FOXP1: variants seen among roughly 807,000 people sequenced by gnomAD.
The protein encoded by FOXP1 is forkhead box P1.
FOXP1 carries 15 observed loss-of-function variants against 98.2 expected under a neutral mutation model. That is an observed-to-expected ratio of 0.15 (90% CI 0.10 to 0.24). The LOEUF (loss-of-function observed/expected upper bound fraction) is 0.24, where lower values mean the gene tolerates loss of function less well. Ranked by LOEUF, FOXP1 falls within the 10% of genes least tolerant of loss-of-function variation. The pLI is 1.00. For missense variants in FOXP1, 633 were observed against 848.5 expected (o/e 0.75, Z 3.15); for synonymous variants, 371 against 314.5 (o/e 1.18, Z -1.90).
intron 5 of FOXP1, among the ~76,000 whole-genome samples, chr3:71,276,561 CATCA>C (rs1262026923): frequency 6.6e-6 from 1 of 152,150 alleles, no homozygotes; most frequent in Non-Finnish European, 1.5e-5. Flanking sequence ...TTACTCTATC[CATCA>C]GTGACTGCTG....
chr3:71,365,937 C>A (rs1291767359), intron 3 of FOXP1, among the ~76,000 whole-genome samples: 2 of 152,160 alleles, frequency 1.3e-5, no homozygotes, highest in Non-Finnish European at 2.9e-5. Context: ...GAGCCCACTG[C>A]ACTCCAGCCT....
intron 17 of FOXP1, 78 bp downstream of exon 17, chr3:70,976,863 G>T: frequency 9.7e-7 from 1 of 1,033,204 alleles, no homozygotes; most frequent in Non-Finnish European, 1.5e-6. Context: ...CTTCCTTATA[G>T]CACAACTGCA....
At chr3:71,524,520 A>G (rs936360187) in intron 2 of FOXP1, among the ~76,000 whole-genome samples, 3 of 148,004 alleles carry the variant, frequency 2.0e-5, no homozygotes, top group Non-Finnish European at 1.5e-5. Context: ...TTAACTTGCT[A>G]GCAAATGCAA....
chr3:71,197,616 G>T (rs1478784513), intron 6 of FOXP1, among the ~76,000 whole-genome samples: 1 of 152,152 alleles, frequency 6.6e-6, no homozygotes, highest in Non-Finnish European at 1.5e-5. Context: ...ACCCAGTGCT[G>T]CATGAATACA....
chr3:70,974,931 A>C (rs1382978690), intron 17 of FOXP1, among the ~76,000 whole-genome samples: 1 of 152,208 alleles, frequency 6.6e-6, no homozygotes, highest in Admixed American at 6.5e-5. Context: ...CCAAAACTGC[A>C]CATCTAAGCA....
intron 7 of FOXP1, among the ~76,000 whole-genome samples, chr3:71,082,599 A>C (rs1333059625): frequency 6.7e-6 from 1 of 149,630 alleles, no homozygotes; most frequent in African/African-American, 2.5e-5. Flanking sequence ...CGTTCTGCAC[A>C]TGTAACCCAG....
chr3:71,068,239 A>G (rs1025772773), intron 7 of FOXP1, among the ~76,000 whole-genome samples: 6 of 152,340 alleles, frequency 3.9e-5, no homozygotes, highest in South Asian at 2.1e-4. Context: ...ACAGATTACT[A>G]TGATCCCACA....
chr3:71,520,422 T>G (rs2042893129), intron 2 of FOXP1, among the ~76,000 whole-genome samples: 1 of 152,202 alleles, frequency 6.6e-6, no homozygotes, highest in Non-Finnish European at 1.5e-5. Context: ...CTTGTGCAAC[T>G]CCACAGGAAT....
rs535351909 is a variant in FOXP1 at position 71,282,540 on chromosome 3, T to C, written c.-12+17280A>G. 2.6e-5 allele frequency among the ~76,000 whole-genome samples: 4 copies of C among 152,274 alleles called. No individual in the cohort carries two copies. In the South Asian group the frequency reaches 8.3e-4, roughly 32 times the overall value. On this transcript the variant is annotated intron_variant, in intron 5 of 20. Coordinates refer to ENST00000649528, the MANE Select transcript of FOXP1 (RefSeq NM_001349338.3). ...TGTATAAAACATTGCTCTAAGCACT[T>C]TTTACCTGAAAAGAATTTAGTTAAT... is the stretch of plus-strand genomic sequence containing the variant.
At chr3:71,088,232 C>G (rs568342233) in intron 7 of FOXP1, among the ~76,000 whole-genome samples, 1 of 152,200 alleles carries the variant, frequency 6.6e-6, no homozygotes, top group Non-Finnish European at 1.5e-5. Context: ...AAGACTCAGT[C>G]CCTCACTCAG....
At chr3:71,316,660 C>A (rs917276376) in intron 4 of FOXP1, among the ~76,000 whole-genome samples, 1 of 139,770 alleles carries the variant, frequency 7.2e-6, no homozygotes, top group Admixed American at 7.2e-5. Flanking sequence ...AGGGCATATT[C>A]TTTTTTTTTT....
intron 3 of FOXP1, among the ~76,000 whole-genome samples, chr3:71,475,821 G>A (rs2089782180): frequency 6.8e-6 from 1 of 148,048 alleles, no homozygotes; most frequent in Admixed American, 6.9e-5. Context: ...TAGCCTGGGA[G>A]AAAGAACAAG....
chr3:71,038,470 G>T (rs1401555328), intron 11 of FOXP1, among the ~76,000 whole-genome samples: 1 of 152,134 alleles, frequency 6.6e-6, no homozygotes, highest in African/African-American at 2.4e-5. Context: ...CTTATCCAAG[G>T]CAGTGACAAG....
chr3:71,472,194 G>T (rs761462057), intron 3 of FOXP1, among the ~76,000 whole-genome samples: 2 of 152,046 alleles, frequency 1.3e-5, no homozygotes, highest in African/African-American at 2.4e-5. Context: ...TTTTGTCAGG[G>T]TGTTTGTTTT....
At chr3:71,420,160 A>G (rs2083525223) in intron 3 of FOXP1, among the ~76,000 whole-genome samples, 2 of 152,162 alleles carry the variant, frequency 1.3e-5, no homozygotes, top group Non-Finnish European at 2.9e-5. Context: ...TTCCATTTAC[A>G]GCCAAATTCT....
chr3:71,286,877 G>A (rs2072201028), intron 5 of FOXP1, among the ~76,000 whole-genome samples: 1 of 152,140 alleles, frequency 6.6e-6, no homozygotes. Flanking sequence ...GGAGAAACTA[G>A]GTGATTATCT....
At chr3:71,082,330 T>C (rs1346946510) in intron 7 of FOXP1, among the ~76,000 whole-genome samples, 1 of 143,308 alleles carries the variant, frequency 7.0e-6, no homozygotes. Context: ...GTCTAGAACA[T>C]ACTAGTCTGT....
At chr3:71,220,717 C>T (rs527416031) in intron 5 of FOXP1, among the ~76,000 whole-genome samples, 79 of 151,294 alleles carry the variant, frequency 5.2e-4, no homozygotes, top group African/African-American at 1.8e-3. Context: ...CGCACCACTG[C>T]GATCCAACCT....
chr3:71,554,655 G>A (rs2107689473), intron 2 of FOXP1, among the ~76,000 whole-genome samples: 1 of 152,250 alleles, frequency 6.6e-6, no homozygotes, highest in South Asian at 2.1e-4. Flanking sequence ...TGTAAACAGT[G>A]CAATACATTA....
Sources: gnomAD v4.1 joint callset for allele counts (sites outside exome capture counted in the v4.1 genomes callset) on GRCh38, gnomAD v4.1.1 for gene constraint, MANE v1.5 for transcripts, NCBI Gene and HGNC (gene_info 2026-07-23, HGNC 2026-07-21) for gene names.